The following GALNT17 variants were observed in gnomAD, a reference collection of about 807,000 sequenced individuals.
GALNT17 encodes polypeptide N-acetylgalactosaminyltransferase 17.
In GALNT17, 29 loss-of-function variants were observed where a neutral mutation model predicts 63.7. The observed-to-expected ratio is 0.46, with a 90% CI of 0.34 to 0.62. The LOEUF (loss-of-function observed/expected upper bound fraction) is 0.62. GALNT17 is among the 20% of genes least tolerant of loss of function. The pLI, the probability that GALNT17 is intolerant of heterozygous loss-of-function variation, is 0.01. For synonymous variants in GALNT17, 305 were observed against 318.3 expected (o/e 0.96, Z 0.45); for missense variants, 603 against 799.6 (o/e 0.75, Z 2.97).
intron 1 of GALNT17, among the ~76,000 whole-genome samples, chr7:71,171,893 G>A (rs1788553079): frequency 6.6e-6 from 1 of 152,168 alleles, no homozygotes. Flanking sequence ...AGTTTCTAGA[G>A]TGTTTTCCTT....
In GALNT17 at chr7:71,345,397, A is replaced by G. The variant is rs1227582535; in HGVS notation, c.422+9664A>G. Among the ~76,000 whole-genome samples the G allele has an allele frequency of 2.0e-5, 3 of 152,196 alleles. No individual in the cohort carries two copies. In the East Asian group the frequency reaches 5.8e-4, roughly 29 times the overall value. On this transcript the variant is annotated intron_variant, in intron 2 of 10. Transcript: ENST00000333538. Reference sequence around the variant, plus strand: ...CAATTTCTCCTTTGGCCTCCTGCTTATAAATCCAGATGTCAGGTTTCTTTG... The same window carrying G: ...CAATTTCTCCTTTGGCCTCCTGCTTGTAAATCCAGATGTCAGGTTTCTTTG...
intron 5 of GALNT17, among the ~76,000 whole-genome samples, chr7:71,448,932 T>C (rs1457411312): frequency 6.6e-6 from 1 of 151,998 alleles, no homozygotes; most frequent in Non-Finnish European, 1.5e-5. Context: ...GGAGAGTGCA[T>C]AGAAGGGATT....
intron 5 of GALNT17, among the ~76,000 whole-genome samples, chr7:71,471,426 A>G (rs2116614703): frequency 6.6e-6 from 1 of 150,778 alleles, no homozygotes; most frequent in East Asian, 2.0e-4. Flanking sequence ...AAAAAAAACC[A>G]AAAACCATAT....
chr7:71,238,179 G>A (rs970506729), intron 1 of GALNT17, among the ~76,000 whole-genome samples: 3 of 152,164 alleles, frequency 2.0e-5, no homozygotes, highest in Non-Finnish European at 4.4e-5. Context: ...CTCTCTCTCT[G>A]AGCAGGCAGA....
chr7:71,178,759 A>G (rs554897516), intron 1 of GALNT17, among the ~76,000 whole-genome samples: 15 of 152,162 alleles, frequency 9.9e-5, no homozygotes, highest in Middle Eastern at 3.4e-3. Context: ...CCATCTGTTC[A>G]TTCATTGTGT....
At chr7:71,622,116 G>A (rs1790303230) in intron 6 of GALNT17, among the ~76,000 whole-genome samples, 1 of 152,214 alleles carries the variant, frequency 6.6e-6, no homozygotes, top group Non-Finnish European at 1.5e-5. Context: ...CAGGACCACA[G>A]GCTGCATAGC....
intron 2 of GALNT17, among the ~76,000 whole-genome samples, chr7:71,344,196 C>T (rs935333431): frequency 3.3e-5 from 5 of 151,916 alleles, no homozygotes; most frequent in African/African-American, 1.2e-4. Context: ...AGTTTTCCCT[C>T]TAAAGGGGAG....
intron 1 of GALNT17, among the ~76,000 whole-genome samples, chr7:71,260,948 C>A (rs1042643713): frequency 2.6e-5 from 4 of 152,054 alleles, no homozygotes; most frequent in African/African-American, 9.7e-5. Context: ...GAATTATAAA[C>A]CCAGGTGTTA....
intron 10 of GALNT17, among the ~76,000 whole-genome samples, chr7:71,711,429 T>C (rs1487525583): frequency 6.6e-6 from 1 of 152,126 alleles, no homozygotes; most frequent in African/African-American, 2.4e-5. Context: ...TTTGGTGGAA[T>C]TGATTCTCTG....
intron 5 of GALNT17, among the ~76,000 whole-genome samples, chr7:71,474,670 A>G (rs1270075238): frequency 7.9e-5 from 12 of 152,176 alleles, no homozygotes. Flanking sequence ...AAAAATCATT[A>G]CAAGAGTCAT....
intron 1 of GALNT17, among the ~76,000 whole-genome samples, chr7:71,328,697 G>A (rs1791747722): frequency 6.7e-6 from 1 of 149,776 alleles, no homozygotes; most frequent in African/African-American, 2.5e-5. Flanking sequence ...GGCAGATTAA[G>A]TGGGGGTGAA....
rs149738146 is a variant in GALNT17, at chr7:71,218,252, G to A, written c.238+85212G>A. 3.1e-3 allele frequency among the ~76,000 whole-genome samples: 466 copies of A among 152,140 alleles called. 2 individuals are homozygous for A. Among genetic ancestry groups the A allele is most frequent in the Middle Eastern group, 0.024 (7 of 294 alleles). ...CTACTAAAAATTACAAAAATTATCC[G>A]GCATGGTGGTGGGTGCCTGTAATCC... On this transcript the variant is annotated intron_variant, in intron 1 of 10. Coordinates refer to ENST00000333538, the MANE Select transcript of GALNT17 (RefSeq NM_022479.3).
At position 71,265,520 on chromosome 7, in the gene GALNT17, G is replaced by T. The variant is rs191807911; in HGVS notation, c.239-70030G>T. ...CCACATAATGATAGAGTGTAGAGAG[G>T]CTAAATTTGCACAAGGAGGGCAAGG... On this transcript the variant is annotated intron_variant, in intron 1 of 10. Transcript: ENST00000333538. Among the ~76,000 whole-genome samples, 155 of 152,176 alleles carry T rather than the reference G, an allele frequency of 1.0e-3. No individual in the cohort carries two copies. In the Middle Eastern group the frequency reaches 0.014, roughly 13 times the overall value.
intron 1 of GALNT17, among the ~76,000 whole-genome samples, chr7:71,154,367 A>G (rs1460047543): frequency 1.3e-5 from 2 of 152,100 alleles, no homozygotes; most frequent in Admixed American, 6.6e-5. Flanking sequence ...TTGGGCAGAG[A>G]CGGGCTGTTC....
intron 5 of GALNT17, among the ~76,000 whole-genome samples, chr7:71,525,882 G>A (rs577905427): frequency 6.6e-6 from 1 of 151,452 alleles, no homozygotes; most frequent in South Asian, 2.1e-4. Context: ...TGGGACTACA[G>A]GTGTGCACCA....
intron 1 of GALNT17, among the ~76,000 whole-genome samples, chr7:71,193,050 T>A (rs1468700605): frequency 1.3e-5 from 2 of 151,750 alleles, no homozygotes; most frequent in Non-Finnish European, 2.9e-5. Flanking sequence ...CATCTTGGTC[T>A]TTAACCATCA....
rs1310422869 is a variant in GALNT17 at position 71,203,948 on chromosome 7, C to T, written c.238+70908C>T. On this transcript the variant is annotated intron_variant, in intron 1 of 10. Coordinates refer to ENST00000333538, the MANE Select transcript of GALNT17 (RefSeq NM_022479.3). Reference sequence around the variant, plus strand: ...ATGCAGTCTCATTTGTTGATTTTTGCTTTTGTTGTCTGTGCTTTTGGATTC... The same window carrying T: ...ATGCAGTCTCATTTGTTGATTTTTGTTTTTGTTGTCTGTGCTTTTGGATTC... Among the ~76,000 whole-genome samples, 5 of 152,004 alleles carry T rather than the reference C, an allele frequency of 3.3e-5. No homozygotes were observed. In the East Asian group the frequency reaches 7.7e-4, roughly 23 times the overall value.
chr7:71,185,786 C>T (rs539397018), intron 1 of GALNT17, among the ~76,000 whole-genome samples: 22 of 152,326 alleles, frequency 1.4e-4, no homozygotes, highest in Admixed American at 2.6e-4. Context: ...GGATTACAGG[C>T]GTGAGCCACT....
chr7:71,332,571 A>G (rs953349089), intron 1 of GALNT17, among the ~76,000 whole-genome samples: 12 of 152,184 alleles, frequency 7.9e-5, no homozygotes, highest in Non-Finnish European at 1.6e-4. Flanking sequence ...GTTTTTAGGT[A>G]TCTTGCTGGA....
Sources: gnomAD v4.1 joint callset for allele counts (sites outside exome capture counted in the v4.1 genomes callset) on GRCh38, gnomAD v4.1.1 for gene constraint, MANE v1.5 for transcripts, NCBI Gene and HGNC (gene_info 2026-07-23, HGNC 2026-07-21) for gene names.